ZNF407: variants seen among roughly 807,000 people sequenced by gnomAD.
ZNF407 encodes zinc finger protein 407.
Under a neutral mutation model 131.2 loss-of-function variants are expected in ZNF407, and 17 were observed. The observed-to-expected ratio is 0.13, with a 90% CI of 0.09 to 0.19. The LOEUF (loss-of-function observed/expected upper bound fraction) is 0.19, where lower values mean the gene tolerates loss of function less well. Ranked by LOEUF, ZNF407 falls within the 10% of genes least tolerant of loss-of-function variation. The pLI is 1.00. For missense variants in ZNF407, 2,681 were observed against 2,830.6 expected (o/e 0.95, Z 1.20); for synonymous variants, 1,156 against 1,062.0 (o/e 1.09, Z -1.72).
intron 8 of ZNF407, among the ~76,000 whole-genome samples, chr18:74,937,591 G>A (rs1277112496): frequency 6.6e-6 from 1 of 152,188 alleles, no homozygotes; most frequent in Non-Finnish European, 1.5e-5. Context: ...CAGAATAAGG[G>A]ATTTATTGTA....
chr18:74,975,729 TC>T (rs546773877), intron 8 of ZNF407, among the ~76,000 whole-genome samples: 24 of 152,324 alleles, frequency 1.6e-4, no homozygotes, highest in African/African-American at 5.3e-4. Context: ...CCCTGATTTT[TC>T]TCATTTCAAC....
intron 1 of ZNF407, among the ~76,000 whole-genome samples, chr18:74,630,120 C>A (rs1983983774): frequency 6.7e-6 from 1 of 149,318 alleles, no homozygotes; most frequent in Non-Finnish European, 1.5e-5. Flanking sequence ...TTAGAAAAAT[C>A]ATGGTAAAGC....
Position 75,008,628 on chromosome 18 carries a change from T to C in ZNF407, c.5429-54522T>C, listed in dbSNP as rs552376611. Among the ~76,000 whole-genome samples, 12 of 152,366 alleles carry C rather than the reference T, an allele frequency of 7.9e-5. No homozygotes were observed. The South Asian group carries it at 2.3e-3, about 29-fold the overall frequency. The stretch of plus-strand genomic sequence containing the variant: ...TTTCTTATTAGTCATTTGTACTTTT[T>C]ACTTTGTGAATTCCTTGTTCATCTT... On this transcript the variant is annotated intron_variant, in intron 8 of 8. Transcript: ENST00000299687.
At position 74,974,000 on chromosome 18, in the gene ZNF407, C is replaced by T. The variant is rs143726273; in HGVS notation, c.5428+53308C>T. 4.5e-3 allele frequency among the ~76,000 whole-genome samples: 689 copies of T among 152,280 alleles called. 5 individuals are homozygous for T. Among genetic ancestry groups the T allele is most frequent in the African/African-American group, 0.015 (633 of 41,576 alleles). ...TTTTCTGAGGTGGTGGGGATTAGAA[C>T]TTTAACACATGAATTTTTGAGGGAC... On this transcript the variant is annotated intron_variant, in intron 8 of 8. Transcript: ENST00000299687.
intron 8 of ZNF407, among the ~76,000 whole-genome samples, chr18:75,036,105 T>C (rs530330462): frequency 1.2e-4 from 19 of 152,320 alleles, no homozygotes; most frequent in African/African-American, 4.6e-4. Flanking sequence ...GATGTAATCA[T>C]TGTAGTCATC....
chr18:75,037,684 T>C (rs983538101), intron 8 of ZNF407, among the ~76,000 whole-genome samples: 1 of 152,212 alleles, frequency 6.6e-6, no homozygotes. Flanking sequence ...CTGGAATTTC[T>C]TTCGTAGCAC....
chr18:74,659,074 C>T (rs1985603609), intron 3 of ZNF407, among the ~76,000 whole-genome samples: 1 of 152,068 alleles, frequency 6.6e-6, no homozygotes, highest in South Asian at 2.1e-4. Context: ...ATTTAAAGCT[C>T]ATGGATTTTT....
chr18:74,969,116 A>G (rs183921415), intron 8 of ZNF407, among the ~76,000 whole-genome samples: 1 of 152,174 alleles, frequency 6.6e-6, no homozygotes, highest in East Asian at 1.9e-4. Context: ...CATTTGCTTC[A>G]TTTTTGTAAT....
intron 4 of ZNF407, among the ~76,000 whole-genome samples, chr18:74,825,322 G>T (rs1226786961): frequency 6.6e-6 from 1 of 152,132 alleles, no homozygotes; most frequent in African/African-American, 2.4e-5. Flanking sequence ...ATTCAACATA[G>T]TATTGGAAGT....
chr18:74,867,715 A>G (rs1056986241), intron 4 of ZNF407, among the ~76,000 whole-genome samples: 2 of 152,154 alleles, frequency 1.3e-5, no homozygotes, highest in Admixed American at 6.5e-5. Context: ...TCCATAATGT[A>G]TGTTTTTACT....
rs1984420599 is a variant in ZNF407, at chr18:74,635,536, A to G, written c.4517A>G (p.Lys1506Arg). ...DSEQNLFLHI[K>R]GQHEELLREV... ...GAACAGAATTTATTTTTACATATTA[A>G]AGGACAGCATGAGGAATTGCTGCGG... Residue 1506 changes from lysine to arginine, a missense_variant, in exon 2 of 9, where the codon AAA (lysine) becomes AGA (arginine). Physicochemically the swap from Lys to Arg is conservative, Grantham distance 26. Coordinates refer to ENST00000299687, the MANE Select transcript of ZNF407 (RefSeq NM_017757.3). The surrounding 1 kb of genome is among the most constrained non-coding windows in gnomAD (Gnocchi z 4.7). 1 of 1,613,514 alleles carries G rather than the reference A, an allele frequency of 6.2e-7. No homozygotes were observed. The highest frequency in any genetic ancestry group is 8.5e-7 in the Non-Finnish European group (1 of 1,179,634).
chr18:74,717,445 TA>T (rs1967921710), intron 3 of ZNF407, among the ~76,000 whole-genome samples: 1 of 152,228 alleles, frequency 6.6e-6, no homozygotes. Context: ...AAAATTCACT[TA>T]TTTCTCACAT....
chr18:74,627,510 G>C (rs572097587), intron 1 of ZNF407, among the ~76,000 whole-genome samples: 26 of 152,014 alleles, frequency 1.7e-4, no homozygotes, highest in African/African-American at 6.3e-4. Flanking sequence ...CTTCTTTTTT[G>C]GTTAGAGATA....
chr18:74,623,102 GTATC>G (rs1196894094), intron 1 of ZNF407, among the ~76,000 whole-genome samples: 1 of 151,846 alleles, frequency 6.6e-6, no homozygotes, highest in Admixed American at 6.6e-5. Context: ...GAGTGCGTGT[GTATC>G]TGAGTGCGTG....
chr18:74,833,692 T>G (rs1444954787), intron 4 of ZNF407, among the ~76,000 whole-genome samples: 1 of 152,150 alleles, frequency 6.6e-6, no homozygotes, highest in Non-Finnish European at 1.5e-5. Context: ...GTATCTTCAG[T>G]TGAATAGGAA....
At chr18:74,791,582 A>C (rs554899654) in intron 4 of ZNF407, among the ~76,000 whole-genome samples, 1 of 152,170 alleles carries the variant, frequency 6.6e-6, no homozygotes, top group African/African-American at 2.4e-5. Flanking sequence ...ACTCATTGCC[A>C]TACAGAAAGC....
chr18:74,668,948 G>A (rs1599054953), intron 3 of ZNF407, among the ~76,000 whole-genome samples: 1 of 151,802 alleles, frequency 6.6e-6, no homozygotes, highest in Non-Finnish European at 1.5e-5. Context: ...TGCGTGTCAC[G>A]TTCTGGTGTG....
chr18:74,998,165 T>G (rs1351082933), intron 8 of ZNF407, among the ~76,000 whole-genome samples: 3 of 152,192 alleles, frequency 2.0e-5, no homozygotes, highest in African/African-American at 7.2e-5. Context: ...AGAATCCTTT[T>G]TTTCATGGGA....
At chr18:74,917,108 A>C (rs373138453) in intron 7 of ZNF407, among the ~76,000 whole-genome samples, 6 of 152,110 alleles carry the variant, frequency 3.9e-5, no homozygotes, top group African/African-American at 1.4e-4. Context: ...ATATTTGACA[A>C]GTAACCCATT....
Sources: allele counts gnomAD v4.1 joint callset (sites outside exome capture counted in the v4.1 genomes callset), GRCh38; gene constraint gnomAD v4.1.1; non-coding constraint Gnocchi (gnomAD v3.1); transcripts MANE v1.5; gene names NCBI Gene and HGNC (gene_info 2026-07-23, HGNC 2026-07-21).